XKR4: variants seen among roughly 807,000 people sequenced by gnomAD.
The protein encoded by XKR4 is XK related 4.
A neutral mutation model predicts 53.9 loss-of-function variants in XKR4; 12 were observed. That is an observed-to-expected ratio of 0.22 (90% CI 0.14 to 0.36). XKR4 has a LOEUF of 0.36. Ranked by LOEUF, XKR4 falls within the 10% of genes least tolerant of loss-of-function variation. The pLI, the probability that XKR4 is intolerant of heterozygous loss-of-function variation, is 1.00. For synonymous variants in XKR4, 354 were observed against 362.4 expected, an observed-to-expected ratio of 0.98 and a Z score of 0.26; for missense variants, 799 against 859.5, an observed-to-expected ratio of 0.93 and a Z score of 0.88.
chr8:55,378,021 C>G (rs977151944), intron 2 of XKR4, among the ~76,000 whole-genome samples: 3 of 152,138 alleles, frequency 2.0e-5, no homozygotes, highest in African/African-American at 7.2e-5. Context: ...CTGTCTTCAT[C>G]GGGGGAATAG....
intron 1 of XKR4, among the ~76,000 whole-genome samples, chr8:55,176,949 G>A (rs940894613): frequency 6.6e-6 from 1 of 151,858 alleles, no homozygotes; most frequent in African/African-American, 2.4e-5. Context: ...AATCACAAAA[G>A]TACCCCATAT....
intron 1 of XKR4, among the ~76,000 whole-genome samples, chr8:55,103,748 A>G (rs561198571): frequency 3.3e-5 from 5 of 151,202 alleles, no homozygotes; most frequent in Admixed American, 1.3e-4. Context: ...TGCTAATTCT[A>G]GTGAAATGGG....
intron 2 of XKR4, among the ~76,000 whole-genome samples, chr8:55,374,760 A>C (rs1207397353): frequency 6.6e-6 from 1 of 152,240 alleles, no homozygotes; most frequent in Non-Finnish European, 1.5e-5. Flanking sequence ...ACAGCAGAAC[A>C]CATCAGTGCG....
At chr8:55,303,007 G>T (rs1369365077) in intron 1 of XKR4, among the ~76,000 whole-genome samples, 2 of 151,996 alleles carry the variant, frequency 1.3e-5, no homozygotes, top group East Asian at 3.8e-4. Flanking sequence ...CTGCCTGATT[G>T]CCCTGGCCAG....
At chr8:55,455,670 T>G (rs1273174219) in intron 2 of XKR4, among the ~76,000 whole-genome samples, 1 of 152,076 alleles carries the variant, frequency 6.6e-6, no homozygotes, top group African/African-American at 2.4e-5. Flanking sequence ...ACAACCACAG[T>G]AGGATTAGAT....
chr8:55,517,802 A>AAGG (rs5891575), intron 2 of XKR4: 102,650 of 151,688 alleles, frequency 0.68, 35,117 homozygotes, highest in South Asian at 0.79. Context: ...AATAAAGAGA[A>AAGG]AGAAGTCAAT....
chr8:55,112,570 T>G (rs1816247167), intron 1 of XKR4, among the ~76,000 whole-genome samples: 1 of 135,724 alleles, frequency 7.4e-6, no homozygotes, highest in African/African-American at 2.7e-5. Flanking sequence ...AGGTTTTTTT[T>G]TTTTTTTTTT....
chr8:55,489,610 A>G (rs1806243181), intron 2 of XKR4, among the ~76,000 whole-genome samples: 1 of 152,086 alleles, frequency 6.6e-6, no homozygotes, highest in Non-Finnish European at 1.5e-5. Flanking sequence ...AAAAAAAAGG[A>G]TTATTATGAT....
At chr8:55,192,974 A>G (rs1289609353) in intron 1 of XKR4, among the ~76,000 whole-genome samples, 1 of 151,046 alleles carries the variant, frequency 6.6e-6, no homozygotes, top group Non-Finnish European at 1.5e-5. Flanking sequence ...TCCCCACCCC[A>G]CCCCAAGGGC....
rs550212234 is a variant in XKR4 at position 55,289,479 on chromosome 8, C to T, written c.807-68199C>T. Among the ~76,000 whole-genome samples, 4 of 147,740 alleles carry T rather than the reference C, an allele frequency of 2.7e-5. No individual in the cohort carries two copies. In the South Asian group the frequency reaches 8.6e-4, roughly 32 times the overall value. The stretch of plus-strand genomic sequence containing the variant: ...GCAGTGAGCCGAGATAGTGCCATTG[C>T]CTTCCAGCCTGGGAGGCAGAGTGAG... On this transcript the variant is annotated intron_variant, in intron 1 of 2. Coordinates refer to ENST00000327381, the MANE Select transcript of XKR4 (RefSeq NM_052898.2).
chr8:55,376,718 A>T (rs536374925), intron 2 of XKR4, among the ~76,000 whole-genome samples: 1 of 152,274 alleles, frequency 6.6e-6, no homozygotes, highest in Admixed American at 6.5e-5. Flanking sequence ...ATATGTGTGG[A>T]GATATTTCCT....
chr8:55,460,965 G>A (rs1193760841), intron 2 of XKR4, among the ~76,000 whole-genome samples: 1 of 152,244 alleles, frequency 6.6e-6, no homozygotes, highest in Non-Finnish European at 1.5e-5. Context: ...GCTTGAGTAG[G>A]TAAACAAAGT....
intron 1 of XKR4, among the ~76,000 whole-genome samples, chr8:55,209,219 G>C (rs1418974225): frequency 6.6e-6 from 1 of 151,814 alleles, no homozygotes; most frequent in Non-Finnish European, 1.5e-5. Context: ...GTGTGTGTGT[G>C]TGTGTGTGTT....
intron 1 of XKR4, among the ~76,000 whole-genome samples, chr8:55,222,278 T>C (rs9298530): frequency 0.78 from 119,420 of 152,224 alleles, 49,145 homozygotes; most frequent in Non-Finnish European, 0.92. Flanking sequence ...CTAATATTTC[T>C]GCATTCTGCT....
intron 2 of XKR4, chr8:55,453,973 G>GGCT: frequency 1.4e-6 from 1 of 732,748 alleles, no homozygotes; most frequent in South Asian, 1.4e-5. Flanking sequence ...GGCCCAGGAA[G>GGCT]GCTGCCTTAT....
intron 2 of XKR4, among the ~76,000 whole-genome samples, chr8:55,482,349 G>A (rs1806123118): frequency 1.3e-5 from 2 of 151,970 alleles, no homozygotes; most frequent in South Asian, 4.2e-4. Flanking sequence ...TAAACAATGA[G>A]AACACATGGA....
At chr8:55,389,690 C>T (rs1237882577) in intron 2 of XKR4, among the ~76,000 whole-genome samples, 1 of 152,176 alleles carries the variant, frequency 6.6e-6, no homozygotes, top group Non-Finnish European at 1.5e-5. Context: ...ACTCATTTAA[C>T]AAATATTTAT....
chr8:55,283,618 G>A (rs1177277984), intron 1 of XKR4, among the ~76,000 whole-genome samples: 1 of 152,198 alleles, frequency 6.6e-6, no homozygotes, highest in Non-Finnish European at 1.5e-5. Context: ...GGAGGAGAAT[G>A]CTACTGATCT....
At position 55,532,885 on chromosome 8, in the gene XKR4, C is replaced by T. The variant is rs1193161599; in HGVS notation, c.*8658C>T. 1 of 150,588 alleles carries T rather than the reference C, an allele frequency of 6.6e-6. No individual in the cohort carries two copies. The highest frequency in any genetic ancestry group is 1.9e-4 in the East Asian group (1 of 5,134). 9.3% of individuals were successfully genotyped at this position (150,588 alleles called of 1,614,324 possible). The stretch of plus-strand genomic sequence containing the variant: ...TTCCATCTACCAAATTGTTGACCTT[C>T]TCCTCCTCTCCATTGCTTAATTTAT... On this transcript the variant is annotated 3_prime_UTR_variant, in exon 3 of 3. Coordinates refer to ENST00000327381, the MANE Select transcript of XKR4 (RefSeq NM_052898.2).
Sources: allele counts gnomAD v4.1 joint callset (sites outside exome capture counted in the v4.1 genomes callset), GRCh38; gene constraint gnomAD v4.1.1; transcripts MANE v1.5; gene names NCBI Gene and HGNC (gene_info 2026-07-23, HGNC 2026-07-21).